RNF40: variants seen among roughly 807,000 people sequenced by gnomAD.
The protein encoded by RNF40 is ring finger protein 40, also known as E3 ubiquitin-protein ligase BRE1B.
A neutral mutation model predicts 123.3 loss-of-function variants in RNF40; 39 were observed. The observed-to-expected ratio is 0.32, with a 90% CI of 0.24 to 0.41. The LOEUF (loss-of-function observed/expected upper bound fraction) is 0.41. Ranked by LOEUF, RNF40 falls within the 10% of genes least tolerant of loss-of-function variation. The pLI is 1.00. For missense variants in RNF40, 1,003 were observed against 1,319.9 expected, an observed-to-expected ratio of 0.76 and a Z score of 3.72; for synonymous variants, 538 against 526.0, an observed-to-expected ratio of 1.02 and a Z score of -0.31.
At chr16:30,771,738 TG>T in intron 17 of RNF40, 94 bp from the exon 18 acceptor site, 2 of 1,400,716 alleles carry the variant, frequency 1.4e-6, no homozygotes, top group Non-Finnish European at 1.9e-6. Flanking sequence ...CAGGTGTCAC[TG>T]GGGCCCTGGA....
chr16:30,771,990 G>GGGGCC lies in RNF40; in HGVS notation c.2727+18_2727+22dup, dbSNP rs777930562. The GGGGCC allele has an allele frequency of 1.3e-6, 2 of 1,587,424 alleles. No homozygotes were observed. The highest frequency in any genetic ancestry group is 1.7e-6 in the Non-Finnish European group (2 of 1,162,736). ...AGGGCTCAGGTGTGTGCAGGGGTGA[G>GGGGCC]GGGCCAGGCCAGGGTGGTCCACGGT... On this transcript the variant is annotated intron_variant, in intron 18 of 19. Transcript: ENST00000324685.
intron 17 of RNF40, among the ~76,000 whole-genome samples, chr16:30,770,856 A>C (rs547515721): frequency 2.5e-4 from 38 of 152,000 alleles, no homozygotes; most frequent in Middle Eastern, 3.4e-3. Context: ...GGACTACAGG[A>C]GCCTGCCACC....
chr16:30,775,373 A>C lies in RNF40; in HGVS notation c.*1259A>C. ...TCGCGGAGCCGCCTGTCCTGCTCCC[A>C]CCGACCCCGGTCTGACCACGTCCTT... On this transcript the variant is annotated 3_prime_UTR_variant, in exon 20 of 20. Transcript: ENST00000324685. The C allele has an allele frequency of 4.1e-6, 1 of 241,692 alleles. No individual in the cohort carries two copies. The highest frequency in any genetic ancestry group is 8.3e-6 in the Non-Finnish European group (1 of 120,898). 15.0% of individuals were successfully genotyped at this position (241,692 alleles called of 1,614,324 possible).
In RNF40 at chr16:30,762,787, CGTTA is replaced by C. The variant is rs1456749512; in HGVS notation, c.132+111_132+114del. 5.9e-6 allele frequency: 8 copies of C among 1,350,228 alleles called. No homozygotes were observed. The East Asian group carries it at 1.6e-4, about 27-fold the overall frequency. 83.6% of individuals were successfully genotyped at this position (1,350,228 alleles called of 1,614,324 possible). On this transcript the variant is annotated intron_variant, in intron 2 of 19. Coordinates refer to ENST00000324685, the MANE Select transcript of RNF40 (RefSeq NM_014771.4). ...ACTTCCCCAAGTTTAGCAAGGTCCG[CGTTA>C]CAGGACCTTGAAAGAAAGGTTAGAA...
chr16:30,771,390 G>A (rs1357392470), intron 17 of RNF40, among the ~76,000 whole-genome samples: 3 of 151,998 alleles, frequency 2.0e-5, no homozygotes, highest in Non-Finnish European at 4.4e-5. Context: ...GGCCGAGGCG[G>A]GCAGATCATG....
Position 30,763,520 on chromosome 16 carries a change from G to A in RNF40, c.403G>A (p.Gly135Arg). The change falls in exon 4 of 20, where the codon GGG (glycine) becomes AGG (arginine). Residue 135 changes from glycine (G) to arginine (R), a missense_variant. Physicochemically the swap from Gly to Arg is moderately radical, Grantham distance 125. Transcript: ENST00000324685. ...PGTQEGPTCD[G>R]TPLPEPGTSE... ...GACCCAGGAGGGGCCAACATGTGAT[G>A]GGACTCCTCTCCCAGAGCCGGGGAC... 1 of 1,614,148 alleles carries A rather than the reference G, an allele frequency of 6.2e-7. No individual in the cohort carries two copies. The highest frequency in any genetic ancestry group is 8.5e-7 in the Non-Finnish European group (1 of 1,180,038).
intron 17 of RNF40, among the ~76,000 whole-genome samples, chr16:30,770,483 G>A (rs993195144): frequency 1.3e-5 from 2 of 152,134 alleles, no homozygotes; most frequent in African/African-American, 4.8e-5. Flanking sequence ...GCTCAAGAGG[G>A]AGTGGCCCTA....
rs1401395915 is a variant in RNF40 at position 30,763,513 on chromosome 16, A to G, written c.396A>G (p.Thr132=). The G allele has an allele frequency of 6.2e-7, 1 of 1,614,020 alleles. No homozygotes were observed. Among genetic ancestry groups the G allele is most frequent in the African/African-American group, 1.3e-5 (1 of 74,944 alleles). The stretch of plus-strand genomic sequence containing the variant: ...CACCTGGGACCCAGGAGGGGCCAAC[A>G]TGTGATGGGACTCCTCTCCCAGAGC... ...PEAPGTQEGP[T]CDGTPLPEPG... The change falls in exon 4 of 20, where the codon ACA becomes ACG. Residue 132 remains threonine, a synonymous_variant. Coordinates refer to ENST00000324685, the MANE Select transcript of RNF40 (RefSeq NM_014771.4).
In RNF40 at chr16:30,767,818, C is replaced by G. The variant is rs751580182; in HGVS notation, c.1430-76C>G. On this transcript the variant is annotated intron_variant, in intron 11 of 19. Coordinates refer to ENST00000324685, the MANE Select transcript of RNF40 (RefSeq NM_014771.4). ...TGCACAGTGGGAGTGATGGCATAGC[C>G]TCTTACCCCACTGAGGGGTTGGAGT... 32 of 1,601,378 alleles carry G rather than the reference C, an allele frequency of 2.0e-5. No homozygotes were observed. In the South Asian group the frequency reaches 2.1e-4, roughly 11 times the overall value.
Position 30,762,603 on chromosome 16 carries a change from A to G in RNF40, c.58A>G (p.Lys20Glu), listed in dbSNP as rs1198259293. 1.2e-6 allele frequency: 2 copies of G among 1,609,562 alleles called. No homozygotes were observed. The highest frequency in any genetic ancestry group is 1.7e-6 in the Non-Finnish European group (2 of 1,179,306). ...AGDGGSGPPE[K>E]KLSREEKTTT... is the part of the protein sequence containing the mutation. Reference sequence around the variant, plus strand: ...CGACGGGGGCTCAGGGCCCCCGGAAAAGAAGCTGAGTCGTGAGGAGAAGAC... The same window carrying G: ...CGACGGGGGCTCAGGGCCCCCGGAAGAGAAGCTGAGTCGTGAGGAGAAGAC... The change falls in exon 2 of 20, where the codon AAG (lysine) becomes GAG (glutamate). Residue 20 changes from lysine (K) to glutamate (E), a missense_variant. By Grantham distance (56) the Lys-to-Glu change is moderately conservative. Around this residue, in one of 11 missense-constraint regions of RNF40, gnomAD observed 51 missense variants for 56.2 expected, o/e 0.91. Transcript: ENST00000324685.
At chr16:30,771,254 G>A (rs1361744027) in intron 17 of RNF40, among the ~76,000 whole-genome samples, 1 of 152,150 alleles carries the variant, frequency 6.6e-6, no homozygotes, top group East Asian at 1.9e-4. Context: ...TTGAGCTGAG[G>A]CCCAGGGGAG....
chr16:30,763,057 C>T (rs1020748064), intron 2 of RNF40, 61 bp from the exon 3 acceptor site: 2 of 1,587,246 alleles, frequency 1.3e-6, no homozygotes, highest in Non-Finnish European at 1.7e-6. Context: ...CTTTCTCTCT[C>T]TGTGATTGGT....
intron 3 of RNF40, 60 bp from the exon 4 acceptor site, chr16:30,763,358 G>T: frequency 6.2e-7 from 1 of 1,606,676 alleles, no homozygotes; most frequent in Non-Finnish European, 8.5e-7. Context: ...GCTAGGAAAG[G>T]AGTATCATGT....
At chr16:30,763,790 T>C (rs1247217944) in intron 4 of RNF40, among the ~76,000 whole-genome samples, 2 of 152,230 alleles carry the variant, frequency 1.3e-5, no homozygotes, top group Non-Finnish European at 2.9e-5. Context: ...AACAGTATTA[T>C]GGTTGAGTAT....
In RNF40 at chr16:30,768,163, T is replaced by G. The variant is rs1177763633; in HGVS notation, c.1612T>G (p.Ser538Ala). The change falls in exon 13 of 20, where the codon TCT (serine) becomes GCT (alanine). Residue 538 changes from serine (S) to alanine (A), a missense_variant. Coordinates refer to ENST00000324685, the MANE Select transcript of RNF40 (RefSeq NM_014771.4). This position sits in a 1 kb window ranked among gnomAD's most constrained non-coding sequence, Gnocchi z 4.1. ...STPNLGHPED[S>A]GVSAPAPGKE... ...CCCCAACCTGGGCCACCCAGAGGATTCTGGCGTCAGTGCCCCAGCCCCAGG... is the reference window on the plus strand; with the variant it reads ...CCCCAACCTGGGCCACCCAGAGGATGCTGGCGTCAGTGCCCCAGCCCCAGG... The G allele has an allele frequency of 6.2e-7, 1 of 1,610,666 alleles. No individual in the cohort carries two copies. The highest frequency in any genetic ancestry group is 1.3e-5 in the African/African-American group (1 of 74,832).
intron 8 of RNF40, 39 bp downstream of exon 8, chr16:30,765,538 T>G: frequency 1.9e-6 from 3 of 1,572,394 alleles, no homozygotes; most frequent in Non-Finnish European, 2.6e-6. Context: ...TCACAACCTC[T>G]TCTCTGTTGC....
At chr16:30,767,768 C>T (rs966932998) in intron 11 of RNF40, 126 bp from the exon 12 acceptor site, 15 of 1,290,802 alleles carry the variant, frequency 1.2e-5, no homozygotes, top group African/African-American at 8.8e-5. Flanking sequence ...GTTCATGCTC[C>T]GTTGAGGCCG....
intron 19 of RNF40, among the ~76,000 whole-genome samples, chr16:30,772,943 T>G (rs1487790102): frequency 6.6e-6 from 1 of 151,948 alleles, no homozygotes; most frequent in Non-Finnish European, 1.5e-5. Context: ...CGGGGGTGGA[T>G]CGAATGCATG....
chr16:30,774,172 C>T lies in RNF40; in HGVS notation c.*58C>T. 9 of 1,516,920 alleles carry T rather than the reference C, an allele frequency of 5.9e-6. No homozygotes were observed. In the South Asian group the frequency reaches 1.1e-4, roughly 19 times the overall value. 94.0% of individuals were successfully genotyped at this position (1,516,920 alleles called of 1,614,324 possible). A position where few individuals can be genotyped will look rare whatever the true frequency, so the allele number is the denominator to read the frequency against. ...GACCCTGGGGGCTGTGCCCCCATCTCCTCCCCACCCCAGGTCTAGTGGCCC... is the reference window on the plus strand; with the variant it reads ...GACCCTGGGGGCTGTGCCCCCATCTTCTCCCCACCCCAGGTCTAGTGGCCC... On this transcript the variant is annotated 3_prime_UTR_variant, in exon 20 of 20. Transcript: ENST00000324685.
Sources: allele counts gnomAD v4.1 joint callset (sites outside exome capture counted in the v4.1 genomes callset), GRCh38; gene constraint gnomAD v4.1.1; regional missense constraint gnomAD v4.1.1; non-coding constraint Gnocchi (gnomAD v3.1); transcripts MANE v1.5; gene names NCBI Gene and HGNC (gene_info 2026-07-23, HGNC 2026-07-21).